CHCT1: variants seen among roughly 807,000 people sequenced by gnomAD.
The protein encoded by CHCT1 is CHD1 helical C-terminal domain containing protein 1.
At chr17:60,431,158 G>C in the CHCT1 span, 6 of 1,518,380 alleles carry the variant, frequency 4.0e-6, no homozygotes, top group Non-Finnish European at 5.4e-6. Flanking sequence ...CATTGGGACT[G>C]TCTCTGACCT....
the CHCT1 span, chr17:60,429,370 C>A: frequency 6.2e-7 from 1 of 1,613,352 alleles, no homozygotes; most frequent in Non-Finnish European, 8.5e-7. Context: ...AGGTGACATT[C>A]TGCGCCTCGG....
the CHCT1 span, among the ~76,000 whole-genome samples, chr17:60,425,313 C>G: frequency 6.6e-6 from 1 of 152,176 alleles, no homozygotes; most frequent in East Asian, 1.9e-4. Flanking sequence ...TCCTGGGTAG[C>G]TGGGACCACA....
chr17:60,421,802 G>C, the CHCT1 span: 2 of 958,384 alleles, frequency 2.1e-6, no homozygotes, highest in South Asian at 4.8e-5. Flanking sequence ...AGGAAGAGTC[G>C]GGGTGGCGGG....
chr17:60,422,563 A>T, the CHCT1 span: 7 of 1,549,136 alleles, frequency 4.5e-6, no homozygotes, highest in Non-Finnish European at 5.2e-6. Context: ...GGGGAGTGCC[A>T]CCCTGGAGCC....
At chr17:60,421,982 T>A in the CHCT1 span, 1 of 980,180 alleles carries the variant, frequency 1.0e-6, no homozygotes, top group East Asian at 1.1e-4. Flanking sequence ...GGGATCTTTA[T>A]ACACCCCCAA....
At chr17:60,425,993 T>C in the CHCT1 span, 1 of 1,279,158 alleles carries the variant, frequency 7.8e-7, no homozygotes, top group Non-Finnish European at 1.1e-6. Context: ...CCACTTGTCT[T>C]ACTCTTGGTA....
the CHCT1 span, chr17:60,425,894 G>A: frequency 6.5e-6 from 10 of 1,542,988 alleles, no homozygotes; most frequent in East Asian, 2.4e-5. Context: ...TGTGAGTAAA[G>A]AGCCAGCCTG....
At chr17:60,427,986 AT>A in the CHCT1 span, among the ~76,000 whole-genome samples, 2 of 152,138 alleles carry the variant, frequency 1.3e-5, no homozygotes, top group South Asian at 4.1e-4. Flanking sequence ...ACTAGGTTTC[AT>A]TAGAATCCAT....
the CHCT1 span, chr17:60,425,851 T>C: frequency 1.9e-6 from 3 of 1,551,750 alleles, no homozygotes; most frequent in South Asian, 2.4e-5. Flanking sequence ...TCATGCGCCA[T>C]GCCAAGGGCC....
the CHCT1 span, chr17:60,421,480 A>AG: frequency 4.1e-6 from 4 of 985,464 alleles, no homozygotes; most frequent in African/African-American, 7.0e-5. Context: ...GGCGAAGAAC[A>AG]GGGCCACACT....
the CHCT1 span, chr17:60,421,907 G>A: frequency 1.0e-6 from 1 of 985,544 alleles, no homozygotes; most frequent in Non-Finnish European, 1.2e-6. Flanking sequence ...TGTGAAGCGG[G>A]ACCGCTGCGG....
At chr17:60,429,382 T>C in the CHCT1 span, 2 of 1,613,742 alleles carry the variant, frequency 1.2e-6, no homozygotes, top group South Asian at 2.2e-5. Flanking sequence ...GCGCCTCGGA[T>C]GCGCCGGAGA....
the CHCT1 span, chr17:60,421,734 C>G: frequency 1.3e-6 from 1 of 795,332 alleles, no homozygotes; most frequent in East Asian, 1.3e-4. Context: ...AGACTACACC[C>G]GGACTCTGCC....
chr17:60,426,433 T>A, the CHCT1 span: 1 of 1,326,918 alleles, frequency 7.5e-7, no homozygotes, highest in Non-Finnish European at 1.0e-6. Flanking sequence ...GTCCTTCATC[T>A]TTATGTGGAG....
chr17:60,430,707 C>T, the CHCT1 span, among the ~76,000 whole-genome samples: 1 of 152,220 alleles, frequency 6.6e-6, no homozygotes. Context: ...TCTCAAACTC[C>T]TGACCTCAAC....
At chr17:60,428,866 AT>A in the CHCT1 span, among the ~76,000 whole-genome samples, 65 of 146,134 alleles carry the variant, frequency 4.4e-4, no homozygotes, top group African/African-American at 1.1e-3. Flanking sequence ...TAAAATTTTT[AT>A]TTTTTTTTTA....
the CHCT1 span, chr17:60,422,787 C>T: frequency 1.1e-6 from 1 of 894,002 alleles, no homozygotes; most frequent in African/African-American, 1.7e-5. Flanking sequence ...CAAGAACTTT[C>T]ATTCATTCAG....
At chr17:60,421,616 C>G in the CHCT1 span, 18 of 979,440 alleles carry the variant, frequency 1.8e-5, no homozygotes, top group Admixed American at 1.1e-3. Flanking sequence ...CTCTCGTCGC[C>G]GGGACCCCGC....
the CHCT1 span, among the ~76,000 whole-genome samples, chr17:60,423,090 T>C: frequency 6.6e-6 from 1 of 152,326 alleles, no homozygotes; most frequent in East Asian, 1.9e-4. Context: ...TTCATACTTT[T>C]CTGAGAAGCT....
Sources: allele counts gnomAD v4.1 joint callset (sites outside exome capture counted in the v4.1 genomes callset), GRCh38; gene constraint gnomAD v4.1.1; transcripts MANE v1.5; gene names NCBI Gene and HGNC (gene_info 2026-07-23, HGNC 2026-07-21).